The following SORCS3 variants were observed in gnomAD, a reference collection of about 807,000 sequenced individuals.
The protein encoded by SORCS3 is sortilin related VPS10 domain containing receptor 3, also known as VPS10 domain-containing receptor SorCS3.
A neutral mutation model predicts 146.3 loss-of-function variants in SORCS3; 57 were observed. That is an observed-to-expected ratio of 0.39 (90% CI 0.31 to 0.49). SORCS3 has a LOEUF of 0.49. Ranked by LOEUF, SORCS3 falls within the 20% of genes least tolerant of loss-of-function variation. The pLI is 0.92. For synonymous variants in SORCS3, 653 were observed against 618.5 expected, an observed-to-expected ratio of 1.06 and a Z score of -0.83; for missense variants, 1,341 against 1,575.5, an observed-to-expected ratio of 0.85 and a Z score of 2.52.
Position 105,157,228 on chromosome 10 carries a change from C to A in SORCS3, c.1573C>A (p.Arg525Ser). Residue 525 changes from arginine (R) to serine (S), a missense_variant, in exon 10 of 27, where the codon CGC becomes AGC. Coordinates refer to ENST00000369701, the MANE Select transcript of SORCS3 (RefSeq NM_014978.3). ...YITYNKGRDW[R>S]LLQAPDVDLR... is the part of the protein sequence containing the mutation. ...CACTTACAACAAAGGCAGGGATTGGCGCCTGCTGCAAGCTCCGGATGTGGA... is the reference window on the plus strand; with the variant it reads ...CACTTACAACAAAGGCAGGGATTGGAGCCTGCTGCAAGCTCCGGATGTGGA... The A allele has an allele frequency of 6.2e-7, 1 of 1,614,062 alleles. No homozygotes were observed. Among genetic ancestry groups the A allele is most frequent in the Non-Finnish European group, 8.5e-7 (1 of 1,179,964 alleles).
At chr10:104,845,356 G>A (rs1253359563) in intron 2 of SORCS3, among the ~76,000 whole-genome samples, 3 of 152,170 alleles carry the variant, frequency 2.0e-5, no homozygotes, top group Admixed American at 6.5e-5. Flanking sequence ...TCAGCATCTA[G>A]AAGATTATTT....
intron 13 of SORCS3, among the ~76,000 whole-genome samples, chr10:105,174,884 G>A (rs575687496): frequency 2.6e-5 from 4 of 152,090 alleles, no homozygotes; most frequent in Non-Finnish European, 2.9e-5. Flanking sequence ...GGAAGGCTGC[G>A]ATGGTCTCTC....
chr10:105,107,873 C>T (rs1009956460), intron 7 of SORCS3, among the ~76,000 whole-genome samples: 2 of 152,094 alleles, frequency 1.3e-5, no homozygotes, highest in African/African-American at 4.8e-5. Context: ...TGTGGCATTC[C>T]ACACTTAGCT....
chr10:105,071,234 A>C (rs1368053021), intron 5 of SORCS3, among the ~76,000 whole-genome samples: 1 of 152,240 alleles, frequency 6.6e-6, no homozygotes, highest in African/African-American at 2.4e-5. Context: ...TAAAGGCAAC[A>C]AAGAAAAGCA....
At chr10:104,993,205 G>T (rs2055005012) in intron 4 of SORCS3, among the ~76,000 whole-genome samples, 1 of 152,208 alleles carries the variant, frequency 6.6e-6, no homozygotes, top group African/African-American at 2.4e-5. Flanking sequence ...CAAAGGAGAT[G>T]CTTGTTTCCC....
chr10:105,145,601 G>A (rs554977836), intron 8 of SORCS3, among the ~76,000 whole-genome samples: 5 of 152,098 alleles, frequency 3.3e-5, no homozygotes, highest in African/African-American at 1.2e-4. Flanking sequence ...AATTTAATTC[G>A]TATTTCCTGC....
chr10:104,988,762 A>G (rs1231778889), intron 4 of SORCS3, among the ~76,000 whole-genome samples: 1 of 152,226 alleles, frequency 6.6e-6, no homozygotes, highest in Non-Finnish European at 1.5e-5. Context: ...AAACAGATAT[A>G]GTGTTTGTTC....
At chr10:105,071,444 C>T (rs2055555677) in intron 5 of SORCS3, among the ~76,000 whole-genome samples, 1 of 152,194 alleles carries the variant, frequency 6.6e-6, no homozygotes, top group Admixed American at 6.5e-5. Flanking sequence ...GTGAATCTAG[C>T]ATTTAGTAAG....
intron 4 of SORCS3, among the ~76,000 whole-genome samples, chr10:105,037,652 G>C (rs1357469448): frequency 6.6e-6 from 1 of 152,108 alleles, no homozygotes; most frequent in African/African-American, 2.4e-5. Context: ...TTCTCCTTAT[G>C]AGAACACCAG....
intron 16 of SORCS3, 149 bp from the exon 17 acceptor site, chr10:105,210,988 T>C: frequency 1.8e-6 from 1 of 549,352 alleles, no homozygotes; most frequent in Non-Finnish European, 3.3e-6. Context: ...ATTTTCAAAA[T>C]ATGAATATTT....
intron 5 of SORCS3, among the ~76,000 whole-genome samples, chr10:105,048,840 A>C (rs1436326492): frequency 6.6e-6 from 1 of 152,002 alleles, no homozygotes; most frequent in Non-Finnish European, 1.5e-5. Flanking sequence ...TATACATGTG[A>C]GTGTGTATAA....
intron 1 of SORCS3, among the ~76,000 whole-genome samples, chr10:104,694,858 T>C (rs1218989997): frequency 6.6e-6 from 1 of 152,220 alleles, no homozygotes; most frequent in African/African-American, 2.4e-5. Context: ...ATGAGATTAT[T>C]GATATAAGTG....
chr10:104,874,017 G>T (rs555281483), intron 2 of SORCS3, among the ~76,000 whole-genome samples: 9 of 152,288 alleles, frequency 5.9e-5, no homozygotes, highest in African/African-American at 2.2e-4. Context: ...TACAAATACG[G>T]TTGGACAGTT....
chr10:105,100,068 T>C (rs935568441), intron 6 of SORCS3, among the ~76,000 whole-genome samples: 1 of 152,174 alleles, frequency 6.6e-6, no homozygotes, highest in African/African-American at 2.4e-5. Context: ...AAGACATGGA[T>C]GCTGGCTCCA....
At chr10:105,180,616 T>C (rs1021080745) in intron 14 of SORCS3, among the ~76,000 whole-genome samples, 2 of 152,218 alleles carry the variant, frequency 1.3e-5, no homozygotes, top group African/African-American at 2.4e-5. Flanking sequence ...TTAAAACCCA[T>C]GGAGCCCTTT....
intron 1 of SORCS3, among the ~76,000 whole-genome samples, chr10:104,653,504 T>G (rs539040343): frequency 6.6e-6 from 1 of 152,150 alleles, no homozygotes; most frequent in Non-Finnish European, 1.5e-5. Flanking sequence ...TCAAGTAATC[T>G]TTTTCAGAGA....
intron 7 of SORCS3, among the ~76,000 whole-genome samples, chr10:105,137,350 C>A (rs1412003380): frequency 2.6e-5 from 4 of 152,020 alleles, no homozygotes; most frequent in African/African-American, 7.3e-5. Flanking sequence ...AAAGCTTTGT[C>A]ATCAGGTATA....
At chr10:104,653,803 A>G (rs1384320835) in intron 1 of SORCS3, among the ~76,000 whole-genome samples, 1 of 152,214 alleles carries the variant, frequency 6.6e-6, no homozygotes, top group Admixed American at 6.5e-5. Context: ...TTGTGTTACA[A>G]ATAATCCAGA....
chr10:104,744,238 A>G (rs753128048), intron 1 of SORCS3, among the ~76,000 whole-genome samples: 3 of 152,172 alleles, frequency 2.0e-5, no homozygotes, highest in Non-Finnish European at 4.4e-5. Context: ...ATAATGAAGA[A>G]CAAAGAACTG....
Sources: gnomAD v4.1 joint callset for allele counts (sites outside exome capture counted in the v4.1 genomes callset) on GRCh38, gnomAD v4.1.1 for gene constraint, MANE v1.5 for transcripts, NCBI Gene and HGNC (gene_info 2026-07-23, HGNC 2026-07-21) for gene names.